Variants in CAMTA1 observed in about 807,000 individuals in gnomAD.
CAMTA1 encodes calmodulin binding transcription activator 1.
CAMTA1 carries 27 observed loss-of-function variants against 170.9 expected under a neutral mutation model. That is an observed-to-expected ratio of 0.16 (90% CI 0.12 to 0.22). The LOEUF is 0.22. Among genes scored for constraint, CAMTA1 ranks in the 10% least tolerant of loss-of-function variants. The pLI, the probability that CAMTA1 is intolerant of heterozygous loss-of-function variation, is 1.00. For synonymous variants in CAMTA1, 833 were observed against 891.5 expected, an observed-to-expected ratio of 0.93 and a Z score of 1.17; for missense variants, 1,619 against 2,217.2, an observed-to-expected ratio of 0.73 and a Z score of 5.42.
intron 3 of CAMTA1, among the ~76,000 whole-genome samples, chr1:7,081,558 A>G (rs1217583784): frequency 6.6e-6 from 1 of 152,190 alleles, no homozygotes; most frequent in African/African-American, 2.4e-5. Flanking sequence ...TTCTTTCTGG[A>G]TTGCCTATAT....
At chr1:6,839,998 C>G (rs1557672160) in intron 3 of CAMTA1, among the ~76,000 whole-genome samples, 1 of 152,092 alleles carries the variant, frequency 6.6e-6, no homozygotes, top group African/African-American at 2.4e-5. Flanking sequence ...GTCAGGAGTT[C>G]AAGACCAGCG....
chr1:6,818,799 C>T (rs1296192593), intron 1 of CAMTA1, among the ~76,000 whole-genome samples: 1 of 152,086 alleles, frequency 6.6e-6, no homozygotes, highest in Non-Finnish European at 1.5e-5. Context: ...TGCCACCATG[C>T]CTGGCTAATT....
At chr1:6,964,533 G>A (rs1182432151) in intron 3 of CAMTA1, among the ~76,000 whole-genome samples, 1 of 152,182 alleles carries the variant, frequency 6.6e-6, no homozygotes, top group Non-Finnish European at 1.5e-5. Context: ...TCTCTCCCAG[G>A]TTGGAGAAAG....
intron 4 of CAMTA1, among the ~76,000 whole-genome samples, chr1:7,118,892 G>A (rs1644489673): frequency 6.6e-6 from 1 of 152,204 alleles, no homozygotes; most frequent in Non-Finnish European, 1.5e-5. Context: ...TGTATAACAA[G>A]CTGTGTTTGT....
intron 7 of CAMTA1, among the ~76,000 whole-genome samples, chr1:7,647,552 G>A (rs1473245685): frequency 1.3e-5 from 2 of 152,168 alleles, no homozygotes; most frequent in Non-Finnish European, 1.5e-5. Flanking sequence ...AGATGTGCTA[G>A]GAGGCTGTTT....
At chr1:7,400,574 A>G (rs1379978586) in intron 5 of CAMTA1, among the ~76,000 whole-genome samples, 1 of 152,068 alleles carries the variant, frequency 6.6e-6, no homozygotes, top group Non-Finnish European at 1.5e-5. Context: ...GTGTTCCTGC[A>G]TAGATAGCTG....
chr1:7,481,708 G>A (rs1159070394), intron 6 of CAMTA1, among the ~76,000 whole-genome samples: 2 of 151,886 alleles, frequency 1.3e-5, no homozygotes, highest in Non-Finnish European at 2.9e-5. Flanking sequence ...GCAATTTTTC[G>A]AGGATTTCAA....
At chr1:7,153,536 G>A (rs540147588) in intron 4 of CAMTA1, among the ~76,000 whole-genome samples, 1 of 152,002 alleles carries the variant, frequency 6.6e-6, no homozygotes, top group South Asian at 2.1e-4. Context: ...CTTCACTGTC[G>A]GAGACCTCCT....
chr1:6,940,545 G>A (rs1020681764), intron 3 of CAMTA1, among the ~76,000 whole-genome samples: 7 of 152,182 alleles, frequency 4.6e-5, no homozygotes, highest in African/African-American at 1.7e-4. Flanking sequence ...TGGGAATCCT[G>A]TGATCCAGTC....
intron 3 of CAMTA1, among the ~76,000 whole-genome samples, chr1:6,995,263 C>T (rs900804824): frequency 8.4e-5 from 10 of 118,958 alleles, no homozygotes; most frequent in Admixed American, 4.3e-4. Flanking sequence ...AGCACATTTA[C>T]TTTAGATCCT....
Position 7,759,148 on chromosome 1 carries a change from CAGAAA to C in CAMTA1, c.4989+3502_4989+3506del, listed in dbSNP as rs556415885. The stretch of plus-strand genomic sequence containing the variant: ...TGCACAACAGAGTGAGACCCTGTCC[CAGAAA>C]AGAAAAGAAAAGAAAAGAAAAATAA... On this transcript the variant is annotated intron_variant, in intron 22 of 22. Coordinates refer to ENST00000303635, the MANE Select transcript of CAMTA1 (RefSeq NM_015215.4). Among the ~76,000 whole-genome samples, 227 of 151,372 alleles carry C rather than the reference CAGAAA, an allele frequency of 1.5e-3. 1 individual carries two copies. The highest frequency in any genetic ancestry group is 4.6e-3 in the African/African-American group (188 of 41,066).
intron 4 of CAMTA1, among the ~76,000 whole-genome samples, chr1:7,149,169 G>A (rs1332978973): frequency 6.6e-6 from 1 of 152,236 alleles, no homozygotes; most frequent in African/African-American, 2.4e-5. Flanking sequence ...GCCACTGAGT[G>A]GAGAGGGCGG....
chr1:7,752,037 C>G (rs2096901177), intron 20 of CAMTA1, among the ~76,000 whole-genome samples: 1 of 152,056 alleles, frequency 6.6e-6, no homozygotes, highest in African/African-American at 2.4e-5. Context: ...AATGTTGAGC[C>G]AAGTAAAATA....
chr1:7,680,846 G>A lies in CAMTA1; in HGVS notation c.2914+3113G>A, dbSNP rs2096189705. On this transcript the variant is annotated intron_variant, in intron 11 of 22. Coordinates refer to ENST00000303635, the MANE Select transcript of CAMTA1 (RefSeq NM_015215.4). This position sits in a 1 kb window ranked among gnomAD's most constrained non-coding sequence, Gnocchi z 4.4. ...TGGGTCCGGGGCGCAGAGAACACGC[G>A]CGCGCGCGCGCGCGCCAGCAGCAGC... 7.8e-6 allele frequency among the ~76,000 whole-genome samples: 1 copy of A among 128,900 alleles called. No individual in the cohort carries two copies. Among genetic ancestry groups the A allele is most frequent in the Admixed American group, 7.6e-5 (1 of 13,228 alleles). The allele number at this position is 128,900 out of a possible 152,430, so 84.6% of individuals were successfully genotyped here.
At chr1:7,393,164 C>T (rs2088918317) in intron 5 of CAMTA1, among the ~76,000 whole-genome samples, 1 of 151,836 alleles carries the variant, frequency 6.6e-6, no homozygotes, top group African/African-American at 2.4e-5. Context: ...TTTTGGTTTC[C>T]ATTTCCCTAA....
chr1:7,037,921 T>A (rs1303700044), intron 3 of CAMTA1, among the ~76,000 whole-genome samples: 2 of 151,488 alleles, frequency 1.3e-5, no homozygotes, highest in African/African-American at 2.4e-5. Flanking sequence ...ATCTTTATTT[T>A]TTTTTTTTTT....
chr1:7,023,885 G>A (rs1369269272), intron 3 of CAMTA1, among the ~76,000 whole-genome samples: 6 of 151,816 alleles, frequency 4.0e-5, no homozygotes, highest in Admixed American at 1.3e-4. Flanking sequence ...AAAATTAGCC[G>A]GGCATGGTGG....
In CAMTA1 at chr1:7,565,568, G is replaced by A. The variant is rs2095030189; in HGVS notation, c.511-74832G>A. ...CAGCAGGACGGGGCTGGCAGAGCTT[G>A]GGACCCTCGAACTCCATTGGGCCTA... On this transcript the variant is annotated intron_variant, in intron 6 of 22. Coordinates refer to ENST00000303635, the MANE Select transcript of CAMTA1 (RefSeq NM_015215.4). This position sits in a 1 kb window ranked among gnomAD's most constrained non-coding sequence, Gnocchi z 4.5. Among the ~76,000 whole-genome samples the A allele has an allele frequency of 6.6e-6, 1 of 152,154 alleles. No homozygotes were observed. The highest frequency in any genetic ancestry group is 1.5e-5 in the Non-Finnish European group (1 of 68,024).
At chr1:6,827,011 T>C (rs1012772230) in intron 3 of CAMTA1, among the ~76,000 whole-genome samples, 3 of 152,236 alleles carry the variant, frequency 2.0e-5, no homozygotes, top group African/African-American at 7.2e-5. Flanking sequence ...ATAAAGAATT[T>C]TTATAGAGGA....
Sources: gnomAD v4.1 joint callset for allele counts (sites outside exome capture counted in the v4.1 genomes callset) on GRCh38, gnomAD v4.1.1 for gene constraint, Gnocchi (gnomAD v3.1) non-coding constraint, MANE v1.5 for transcripts, NCBI Gene and HGNC (gene_info 2026-07-23, HGNC 2026-07-21) for gene names.